TMPRSS11A: variants seen among roughly 807,000 people sequenced by gnomAD.
TMPRSS11A encodes transmembrane protease serine 11A.
A neutral mutation model predicts 58.9 loss-of-function variants in TMPRSS11A; 53 were observed. That is an observed-to-expected ratio of 0.90 (90% CI 0.72 to 1.13). The LOEUF (loss-of-function observed/expected upper bound fraction) is 1.13. Among genes scored for constraint, TMPRSS11A ranks in the 50% most tolerant of loss-of-function variants. TMPRSS11A has a pLI of 0.00. For missense variants in TMPRSS11A, 493 were observed against 499.3 expected (o/e 0.99, Z 0.12); for synonymous variants, 167 against 169.8 (o/e 0.98, Z 0.13).
intron 3 of TMPRSS11A, among the ~76,000 whole-genome samples, chr4:67,942,703 A>T (rs1720908439): frequency 6.6e-6 from 1 of 152,208 alleles, no homozygotes; most frequent in Admixed American, 6.5e-5. Context: ...GTATATGTAC[A>T]TTCAATGACC....
At chr4:67,928,681 C>A (rs1266849607) in intron 5 of TMPRSS11A, among the ~76,000 whole-genome samples, 1 of 152,218 alleles carries the variant, frequency 6.6e-6, no homozygotes, top group Non-Finnish European at 1.5e-5. Context: ...AGGTCCTCAG[C>A]TTTATTCCCT....
chr4:67,943,420 T>TTTATC (rs1720925698), intron 3 of TMPRSS11A, among the ~76,000 whole-genome samples: 1 of 152,214 alleles, frequency 6.6e-6, no homozygotes, highest in African/African-American at 2.4e-5. Context: ...TGTTTATCTT[T>TTTATC]TTAACTAAGG....
intron 1 of TMPRSS11A, among the ~76,000 whole-genome samples, chr4:67,950,771 G>A (rs1232654365): frequency 2.6e-5 from 4 of 152,210 alleles, no homozygotes; most frequent in South Asian, 4.1e-4. Flanking sequence ...TTTATGGTAA[G>A]CATAGAATTA....
intron 3 of TMPRSS11A, among the ~76,000 whole-genome samples, chr4:67,938,491 T>A (rs1259821740): frequency 6.6e-6 from 1 of 152,178 alleles, no homozygotes; most frequent in African/African-American, 2.4e-5. Context: ...AAGACTGATG[T>A]CTACAACAGT....
At position 67,944,503 on chromosome 4, in the gene TMPRSS11A, A is replaced by C. The variant is rs1396013397; in HGVS notation, c.252+16T>G. The C allele has an allele frequency of 1.1e-5, 18 of 1,602,364 alleles. No homozygotes were observed. In the East Asian group the frequency reaches 3.8e-4, roughly 34 times the overall value. ...CTTGCATTATTCTATGATAAAAAGA[A>C]GTTTACCTGACTCACCAAATTTTCG... On this transcript the variant is annotated intron_variant, in intron 3 of 9. Transcript: ENST00000508048.
chr4:67,917,272 C>G (rs1289220458), intron 8 of TMPRSS11A, among the ~76,000 whole-genome samples: 9 of 151,926 alleles, frequency 5.9e-5, no homozygotes, highest in Admixed American at 5.9e-4. Flanking sequence ...CCTTTCTACA[C>G]TATTTTAGCA....
At position 67,909,621 on chromosome 4, in the gene TMPRSS11A, A is replaced by G. The variant is rs1719915365; in HGVS notation, c.*1721T>C. 1 of 152,176 alleles carries G rather than the reference A, an allele frequency of 6.6e-6. No homozygotes were observed. Among genetic ancestry groups the G allele is most frequent in the African/African-American group, 2.4e-5 (1 of 41,456 alleles). 9.4% of individuals were successfully genotyped at this position (152,176 alleles called of 1,614,324 possible). ...TATATGAAGAAGAAACTTTGTCTTGAAGTGAATTCAGAGAATTGGCAGCCA... is the reference window on the plus strand; with the variant it reads ...TATATGAAGAAGAAACTTTGTCTTGGAGTGAATTCAGAGAATTGGCAGCCA... On this transcript the variant is annotated 3_prime_UTR_variant, in exon 10 of 10. Coordinates refer to ENST00000508048, the MANE Select transcript of TMPRSS11A (RefSeq NM_001114387.2).
chr4:67,917,619 A>T (rs886892617), intron 8 of TMPRSS11A, among the ~76,000 whole-genome samples: 1 of 152,226 alleles, frequency 6.6e-6, no homozygotes, highest in Non-Finnish European at 1.5e-5. Context: ...GATTAAAAGC[A>T]CCTGTGGGTC....
At chr4:67,932,332 T>C (rs1720649076) in intron 3 of TMPRSS11A, among the ~76,000 whole-genome samples, 2 of 152,164 alleles carry the variant, frequency 1.3e-5, no homozygotes, top group Admixed American at 6.5e-5. Flanking sequence ...CAAGTAATTC[T>C]ACTGTGCTAG....
At chr4:67,915,521 G>T (rs150583493) in intron 8 of TMPRSS11A, among the ~76,000 whole-genome samples, 1 of 152,248 alleles carries the variant, frequency 6.6e-6, no homozygotes, top group East Asian at 1.9e-4. Context: ...ATGTTATATG[G>T]CCAAGATGAG....
intron 9 of TMPRSS11A, 45 bp from the exon 10 acceptor site, chr4:67,911,548 A>T: frequency 6.7e-7 from 1 of 1,490,780 alleles, no homozygotes; most frequent in Non-Finnish European, 9.2e-7. Context: ...TTAGCTAAAC[A>T]TAAAGCTCAT....
chr4:67,944,783 A>G, intron 2 of TMPRSS11A, 146 bp from the exon 3 acceptor site: 1 of 655,324 alleles, frequency 1.5e-6, no homozygotes, highest in Admixed American at 3.1e-5. Flanking sequence ...TTAATGTTTT[A>G]TATCAATTAT....
intron 1 of TMPRSS11A, among the ~76,000 whole-genome samples, chr4:67,956,721 A>G (rs1454239955): frequency 6.6e-6 from 1 of 152,232 alleles, no homozygotes; most frequent in Non-Finnish European, 1.5e-5. Flanking sequence ...TCATATGCTT[A>G]TCTGATCATA....
chr4:67,961,295 A>G (rs552443738), intron 1 of TMPRSS11A, among the ~76,000 whole-genome samples: 1 of 152,256 alleles, frequency 6.6e-6, no homozygotes, highest in African/African-American at 2.4e-5. Context: ...TGTAGTAATT[A>G]TTAACCATCT....
In TMPRSS11A at chr4:67,909,806, A is replaced by G. The variant is rs933669869; in HGVS notation, c.*1536T>C. 3 of 152,144 alleles carry G rather than the reference A, an allele frequency of 2.0e-5. No homozygotes were observed. The highest frequency in any genetic ancestry group is 7.2e-5 in the African/African-American group (3 of 41,458). 9.4% of individuals were successfully genotyped at this position (152,144 alleles called of 1,614,324 possible). A position where few individuals can be genotyped will look rare whatever the true frequency, so the allele number is the denominator to read the frequency against. On this transcript the variant is annotated 3_prime_UTR_variant, in exon 10 of 10. Coordinates refer to ENST00000508048, the MANE Select transcript of TMPRSS11A (RefSeq NM_001114387.2). ...AGTTAAGAATATACTCATATTCTTA[A>G]ACATAACATAAGTATATTGGCCTAT...
At chr4:67,950,290 C>T (rs1721126175) in intron 1 of TMPRSS11A, among the ~76,000 whole-genome samples, 4 of 152,216 alleles carry the variant, frequency 2.6e-5, no homozygotes, top group Admixed American at 1.3e-4. Flanking sequence ...TCTCTGTTCT[C>T]TTGCTGGCTG....
At position 67,911,230 on chromosome 4, in the gene TMPRSS11A, T is replaced by C. The variant is rs989826739; in HGVS notation, c.*112A>G. On this transcript the variant is annotated 3_prime_UTR_variant, in exon 10 of 10. Transcript: ENST00000508048. ...ATAACTTACGTTGTGTGTTTCATGT[T>C]ACTAGATCCAGTAATTTAATATCAC... 2.1e-6 allele frequency: 2 copies of C among 937,250 alleles called. No individual in the cohort carries two copies. Among genetic ancestry groups the C allele is most frequent in the Non-Finnish European group, 3.2e-6 (2 of 632,730 alleles). The allele number at this position is 937,250 out of a possible 1,614,324, so 58.1% of individuals were successfully genotyped here.
rs770532641 is a variant in TMPRSS11A at position 67,911,519 on chromosome 4, T to A, written c.1096-16A>T. On this transcript the variant is annotated splice_polypyrimidine_tract_variant and intron_variant, in intron 9 of 9. Coordinates refer to ENST00000508048, the MANE Select transcript of TMPRSS11A (RefSeq NM_001114387.2). Reference sequence around the variant, plus strand: ...CAGAATCACCCTAAAAATAAAAACATAAGAAAAAAGAAAGAAAATTAGCTA... The same window carrying A: ...CAGAATCACCCTAAAAATAAAAACAAAAGAAAAAAGAAAGAAAATTAGCTA... 2.5e-6 allele frequency: 4 copies of A among 1,589,314 alleles called. No homozygotes were observed. The highest frequency in any genetic ancestry group is 3.8e-5 in the Admixed American group (2 of 52,546).
chr4:67,951,019 G>A (rs1462597319), intron 1 of TMPRSS11A, among the ~76,000 whole-genome samples: 1 of 152,178 alleles, frequency 6.6e-6, no homozygotes, highest in African/African-American at 2.4e-5. Flanking sequence ...ACAAGAGATG[G>A]GGCAGACCCC....
Sources: gnomAD v4.1 joint callset for allele counts (sites outside exome capture counted in the v4.1 genomes callset) on GRCh38, gnomAD v4.1.1 for gene constraint, MANE v1.5 for transcripts, NCBI Gene and HGNC (gene_info 2026-07-23, HGNC 2026-07-21) for gene names.